Variants in METTL15 observed in about 807,000 individuals in gnomAD.
The protein encoded by METTL15 is methyltransferase 15, mitochondrial 12S rRNA N4-cytidine.
METTL15 carries 34 observed loss-of-function variants against 38.3 expected under a neutral mutation model. That is an observed-to-expected ratio of 0.89 (90% CI 0.68 to 1.18). The LOEUF (loss-of-function observed/expected upper bound fraction) is 1.18. METTL15 is among the 50% of genes most tolerant of loss of function. METTL15 has a pLI of 0.00. For missense variants in METTL15, 438 were observed against 498.4 expected (o/e 0.88, Z 1.15); for synonymous variants, 162 against 170.9 (o/e 0.95, Z 0.41).
intron 6 of METTL15, among the ~76,000 whole-genome samples, chr11:28,464,318 A>G (rs1851239825): frequency 6.6e-6 from 1 of 152,184 alleles, no homozygotes; most frequent in Non-Finnish European, 1.5e-5. Flanking sequence ...TTTTTCTGAA[A>G]AAAGCCAAAT....
intron 5 of METTL15, among the ~76,000 whole-genome samples, chr11:28,389,998 T>G (rs1027573253): frequency 6.6e-5 from 10 of 152,202 alleles, no homozygotes; most frequent in Non-Finnish European, 1.2e-4. Context: ...ACGAGCATTT[T>G]TTCATGTGTC....
chr11:28,512,857 G>T (rs1319720679), intron 6 of METTL15, among the ~76,000 whole-genome samples: 1 of 152,194 alleles, frequency 6.6e-6, no homozygotes. Context: ...CTGAGAACGA[G>T]CAAGGGCTGC....
chr11:28,171,792 T>C (rs765774381), intron 3 of METTL15, among the ~76,000 whole-genome samples: 12 of 150,528 alleles, frequency 8.0e-5, no homozygotes, highest in African/African-American at 1.2e-4. Flanking sequence ...CTCTCTCTCT[T>C]TTTTTTTTCT....
chr11:28,135,683 T>C (rs927073070), intron 3 of METTL15, among the ~76,000 whole-genome samples: 2 of 152,230 alleles, frequency 1.3e-5, no homozygotes, highest in African/African-American at 4.8e-5. Context: ...TGCAAATAAC[T>C]ATATTGCCGT....
chr11:28,123,753 A>G (rs1481128277), intron 3 of METTL15: 3 of 643,276 alleles, frequency 4.7e-6, no homozygotes, highest in Non-Finnish European at 7.4e-6. Context: ...TATATTTTTT[A>G]TCTTTGTCCT....
chr11:28,216,132 A>G (rs1464998538), intron 4 of METTL15, among the ~76,000 whole-genome samples: 1 of 152,130 alleles, frequency 6.6e-6, no homozygotes, highest in Non-Finnish European at 1.5e-5. Flanking sequence ...TTTGTTTTTT[A>G]GATTTGGATG....
intron 6 of METTL15, among the ~76,000 whole-genome samples, chr11:28,430,212 T>A (rs1850905528): frequency 6.7e-6 from 1 of 149,424 alleles, no homozygotes; most frequent in African/African-American, 2.5e-5. Context: ...AGCCACCCCG[T>A]CCGGGAGGGA....
At chr11:28,200,585 C>G (rs539535133) in intron 3 of METTL15, among the ~76,000 whole-genome samples, 1 of 152,172 alleles carries the variant, frequency 6.6e-6, no homozygotes, top group East Asian at 1.9e-4. Context: ...TACCAGCGGT[C>G]TAATATTGTG....
intron 3 of METTL15, among the ~76,000 whole-genome samples, chr11:28,200,269 TC>T (rs936517059): frequency 6.6e-6 from 1 of 152,166 alleles, no homozygotes; most frequent in African/African-American, 2.4e-5. Context: ...ACCTAACTCT[TC>T]CTAAACCTCC....
At chr11:28,209,337 T>G (rs1852521633) in intron 3 of METTL15, among the ~76,000 whole-genome samples, 1 of 152,040 alleles carries the variant, frequency 6.6e-6, no homozygotes, top group African/African-American at 2.4e-5. Context: ...GGTTAAATTA[T>G]GTTGAACTTC....
At chr11:28,409,928 T>G (rs981193804) in intron 5 of METTL15, among the ~76,000 whole-genome samples, 40 of 151,710 alleles carry the variant, frequency 2.6e-4, no homozygotes, top group Non-Finnish European at 2.1e-4. Flanking sequence ...GAAATGAAAA[T>G]GGAGACATTA....
At chr11:28,434,554 G>T (rs188566004) in intron 6 of METTL15, among the ~76,000 whole-genome samples, 2 of 152,190 alleles carry the variant, frequency 1.3e-5, no homozygotes, top group South Asian at 4.1e-4. Context: ...ACTAAAAGAT[G>T]AATCTATTAA....
chr11:28,489,982 G>T (rs1412929548), intron 6 of METTL15, among the ~76,000 whole-genome samples: 1 of 152,066 alleles, frequency 6.6e-6, no homozygotes. Context: ...TCACTGCATG[G>T]TCTCCCTTCA....
At chr11:28,276,910 T>TCAACTCAA (rs1416107024) in intron 4 of METTL15, among the ~76,000 whole-genome samples, 1 of 152,130 alleles carries the variant, frequency 6.6e-6, no homozygotes, top group Non-Finnish European at 1.5e-5. Flanking sequence ...TATATAAAAA[T>TCAACTCAA]CAACTCAACA....
At chr11:28,279,463 A>G (rs1433818098) in intron 4 of METTL15, among the ~76,000 whole-genome samples, 1 of 151,942 alleles carries the variant, frequency 6.6e-6, no homozygotes, top group Non-Finnish European at 1.5e-5. Context: ...TATTTGTTCA[A>G]CCTATTCTAT....
chr11:28,246,254 A>T (rs942425086), intron 4 of METTL15, among the ~76,000 whole-genome samples: 4 of 152,172 alleles, frequency 2.6e-5, no homozygotes, highest in African/African-American at 7.2e-5. Context: ...ATTTCATCTT[A>T]TGCATTATAT....
rs116666334 is a variant in METTL15 at position 28,486,962 on chromosome 11, C to T, written c.*425-39516C>T. Among the ~76,000 whole-genome samples the T allele has an allele frequency of 7.1e-3, 1,073 of 151,952 alleles. 8 individuals are homozygous for T. The highest frequency in any genetic ancestry group is 0.023 in the African/African-American group (973 of 41,428). On this transcript the variant is annotated intron_variant and NMD_transcript_variant, in intron 6 of 7. Coordinates refer to the METTL15 transcript ENST00000532947. ...ATGAAAACTAAGAATAGATCTCCTG[C>T]AAACCGACCTTTAAAAAGGTACACA...
rs1855246670 is a variant in METTL15 at position 28,262,462 on chromosome 11, T to G, written c.408-27744T>G. Among the ~76,000 whole-genome samples the G allele has an allele frequency of 4.0e-5, 6 of 151,720 alleles. 1 individual carries two copies. The South Asian group carries it at 1.2e-3, about 31-fold the overall frequency. ...TAGTCATAGTTACTACATAGTCTTA[T>G]ATATATGTGTATGCATAAACATTCG... On this transcript the variant is annotated intron_variant, in intron 4 of 6. Transcript: ENST00000407364.
chr11:28,483,715 A>G (rs1851415987), intron 6 of METTL15, among the ~76,000 whole-genome samples: 1 of 152,170 alleles, frequency 6.6e-6, no homozygotes, highest in African/African-American at 2.4e-5. Flanking sequence ...TGTTACTTAT[A>G]AAAACAGGTA....
Sources: gnomAD v4.1 joint callset for allele counts (sites outside exome capture counted in the v4.1 genomes callset) on GRCh38, gnomAD v4.1.1 for gene constraint, MANE v1.5 for transcripts, NCBI Gene and HGNC (gene_info 2026-07-23, HGNC 2026-07-21) for gene names.